ERC1: variants seen among roughly 807,000 people sequenced by gnomAD.
ERC1 encodes the protein ELKS/RAB6-interacting/CAST family member 1, also known as RAB6 interacting protein 2.
A neutral mutation model predicts 132.0 loss-of-function variants in ERC1; 56 were observed. The observed-to-expected ratio is 0.42, with a 90% CI of 0.34 to 0.53. ERC1 has a LOEUF of 0.53. Among genes scored for constraint, ERC1 ranks in the 20% least tolerant of loss-of-function variants. The pLI is 0.03. For missense variants in ERC1, 1,202 were observed against 1,349.9 expected (o/e 0.89, Z 1.72); for synonymous variants, 478 against 476.1 (o/e 1.00, Z -0.05).
At chr12:1,056,560 T>G (rs11833070) in intron 2 of ERC1, among the ~76,000 whole-genome samples, 36,646 of 152,096 alleles carry the variant, frequency 0.24, 4,702 homozygotes, top group Middle Eastern at 0.29. Context: ...TGTGCCATTC[T>G]GGAAAACTGG....
intron 7 of ERC1, among the ~76,000 whole-genome samples, chr12:1,141,351 C>G (rs1478626649): frequency 1.3e-5 from 2 of 152,088 alleles, no homozygotes; most frequent in Non-Finnish European, 2.9e-5. Context: ...TTTTGAACCC[C>G]AACCCTGTTG....
At chr12:1,207,996 A>G (rs1957498881) in intron 12 of ERC1, among the ~76,000 whole-genome samples, 1 of 152,210 alleles carries the variant, frequency 6.6e-6, no homozygotes, top group Non-Finnish European at 1.5e-5. Context: ...GTAAAACGAC[A>G]GAAACACGTC....
chr12:1,486,705 G>A (rs965194756), intron 18 of ERC1, among the ~76,000 whole-genome samples: 10 of 152,058 alleles, frequency 6.6e-5, no homozygotes, highest in South Asian at 4.1e-4. Context: ...GTTTACAGGC[G>A]TGAGCCACCG....
intron 8 of ERC1, among the ~76,000 whole-genome samples, chr12:1,159,937 C>G (rs1048571524): frequency 2.6e-5 from 4 of 152,122 alleles, no homozygotes; most frequent in Admixed American, 1.3e-4. Context: ...TGAAATCATG[C>G]ACCTTGGAAC....
At chr12:1,440,499 C>G (rs1375021541) in intron 17 of ERC1, among the ~76,000 whole-genome samples, 1 of 148,642 alleles carries the variant, frequency 6.7e-6, no homozygotes, top group Admixed American at 6.7e-5. Flanking sequence ...AGCCACCGCG[C>G]CCGGCCTTTT....
chr12:1,218,546 C>T (rs959527039), intron 12 of ERC1, among the ~76,000 whole-genome samples: 2 of 152,086 alleles, frequency 1.3e-5, no homozygotes, highest in Non-Finnish European at 2.9e-5. Context: ...AATCAGGCTC[C>T]TATTTTTAGT....
intron 13 of ERC1, among the ~76,000 whole-genome samples, chr12:1,249,057 T>C (rs1046367721): frequency 2.0e-5 from 3 of 152,110 alleles, no homozygotes; most frequent in Non-Finnish European, 4.4e-5. Flanking sequence ...TAATTTTTTT[T>C]TTCTTCTTAT....
intron 7 of ERC1, among the ~76,000 whole-genome samples, chr12:1,119,511 TTGTG>T (rs1180385226): frequency 4.5e-4 from 62 of 138,940 alleles, no homozygotes; most frequent in African/African-American, 1.6e-3. Context: ...TACTTCTTCT[TTGTG>T]TGTGTGTGTG....
intron 12 of ERC1, among the ~76,000 whole-genome samples, chr12:1,236,326 C>T (rs1254415493): frequency 6.6e-6 from 1 of 152,120 alleles, no homozygotes; most frequent in African/African-American, 2.4e-5. Flanking sequence ...TATACATCTA[C>T]ATTATATACA....
At chr12:1,007,538 C>CTG (rs1255758100) in intron 1 of ERC1, among the ~76,000 whole-genome samples, 3 of 53,370 alleles carry the variant, frequency 5.6e-5, no homozygotes, top group African/African-American at 2.2e-4. Context: ...CTCTCTCTCT[C>CTG]TCTGTGTGTG....
chr12:1,469,878 C>T (rs994757503), intron 18 of ERC1, among the ~76,000 whole-genome samples: 1 of 144,124 alleles, frequency 6.9e-6, no homozygotes, highest in African/African-American at 2.6e-5. Context: ...CCCCCATCCT[C>T]CTCAATGCCA....
rs117185301 is a variant in ERC1, at chr12:1,123,472, A to G, written c.1569+7439A>G. On this transcript the variant is annotated intron_variant, in intron 7 of 18. Transcript: ENST00000360905. Reference sequence around the variant, plus strand: ...AAGATACAGAAAGATACTGTCAACAAGAGTTAAACAGACAAAAAGTAACAG... The same window carrying G: ...AAGATACAGAAAGATACTGTCAACAGGAGTTAAACAGACAAAAAGTAACAG... 5.3e-3 allele frequency among the ~76,000 whole-genome samples: 815 copies of G among 152,358 alleles called. 3 individuals are homozygous for G. Among genetic ancestry groups the G allele is most frequent in the Middle Eastern group, 6.8e-3 (2 of 294 alleles).
At chr12:1,263,675 C>CT (rs992163010) in intron 14 of ERC1, among the ~76,000 whole-genome samples, 7 of 151,198 alleles carry the variant, frequency 4.6e-5, no homozygotes, top group African/African-American at 9.7e-5. Context: ...GAACGTTTCT[C>CT]TTTTTTTTCT....
intron 17 of ERC1, among the ~76,000 whole-genome samples, chr12:1,422,331 C>T (rs2092459149): frequency 6.6e-6 from 1 of 152,104 alleles, no homozygotes; most frequent in Non-Finnish European, 1.5e-5. Context: ...ATTCATTAAC[C>T]CACCCCTGGC....
chr12:1,279,389 T>C (rs751050797), intron 14 of ERC1, among the ~76,000 whole-genome samples: 12 of 152,184 alleles, frequency 7.9e-5, no homozygotes, highest in Admixed American at 3.3e-4. Context: ...GTTGTTGTTA[T>C]CTTAGTTTCT....
intron 13 of ERC1, among the ~76,000 whole-genome samples, chr12:1,247,647 T>A (rs1331060959): frequency 1.3e-5 from 2 of 152,242 alleles, no homozygotes; most frequent in African/African-American, 2.4e-5. Flanking sequence ...AATTTAGGAA[T>A]GCAGATATTA....
intron 18 of ERC1, among the ~76,000 whole-genome samples, chr12:1,459,738 T>C (rs1303575712): frequency 6.6e-6 from 1 of 152,236 alleles, no homozygotes; most frequent in Non-Finnish European, 1.5e-5. Flanking sequence ...AAAGTATTTA[T>C]AGTTAATTTA....
At chr12:1,228,812 G>T (rs1470032060) in intron 12 of ERC1, among the ~76,000 whole-genome samples, 1 of 152,098 alleles carries the variant, frequency 6.6e-6, no homozygotes, top group Admixed American at 6.5e-5. Flanking sequence ...TGTTAGTGTG[G>T]TGTATGACGT....
At chr12:1,145,112 G>T (rs898174743) in intron 8 of ERC1, among the ~76,000 whole-genome samples, 1 of 152,050 alleles carries the variant, frequency 6.6e-6, no homozygotes, top group East Asian at 1.9e-4. Flanking sequence ...CGTCTCCCGG[G>T]TTCAAGCAAT....
Sources: allele counts gnomAD v4.1 joint callset (sites outside exome capture counted in the v4.1 genomes callset), GRCh38; gene constraint gnomAD v4.1.1; transcripts MANE v1.5; gene names NCBI Gene and HGNC (gene_info 2026-07-23, HGNC 2026-07-21).